The following KLHL35 variants were observed in gnomAD, a reference collection of about 807,000 sequenced individuals.
KLHL35 encodes the protein kelch-like protein 35.
Under a neutral mutation model 44.0 loss-of-function variants are expected in KLHL35, and 50 were observed. The ratio of observed to expected loss-of-function variants is 1.14; its 90% CI spans 0.91 to 1.44. The LOEUF is 1.44. KLHL35 is among the 40% of genes most tolerant of loss of function. KLHL35 has a pLI of 0.00. For missense variants in KLHL35, 1,049 were observed against 887.8 expected (o/e 1.18, Z -2.31); for synonymous variants, 470 against 410.4 (o/e 1.15, Z -1.76).
intron 2 of KLHL35, 98 bp downstream of exon 2, chr11:75,429,648 TATC>T (rs1316002898): frequency 7.7e-7 from 1 of 1,302,464 alleles, no homozygotes; most frequent in Non-Finnish European, 9.9e-7. Context: ...AATGACTGAA[TATC>T]ATCAAGAGGC....
chr11:75,431,777 A>G (rs1333339992), intron 1 of KLHL35, among the ~76,000 whole-genome samples: 1 of 152,188 alleles, frequency 6.6e-6, no homozygotes, highest in East Asian at 1.9e-4. Flanking sequence ...TGGCTTCATG[A>G]CTATTACATG....
chr11:75,428,454 C>T lies in KLHL35; in HGVS notation c.1054G>A (p.Val352Ile), dbSNP rs1198809734. The T allele has an allele frequency of 1.2e-6, 2 of 1,612,314 alleles. No individual in the cohort carries two copies. Among genetic ancestry groups the T allele is most frequent in the Non-Finnish European group, 1.7e-6 (2 of 1,179,836 alleles). The change falls in exon 3 of 7, where the codon GTC becomes ATC. Residue 352 changes from valine to isoleucine, a missense_variant. Val to Ile is a conservative substitution (Grantham distance 29, BLOSUM62 3). Transcript: ENST00000539798. ...EFAACALRNDVYVSGGHINSH... is the reference protein window; with the variant it reads ...EFAACALRNDIYVSGGHINSH... ...GCTCCGCCCTCACCGGAGACGTAGA[C>T]GTCATTGCGGAGAGCACAGGCGGCG...
rs1948527065 is a variant in KLHL35, at chr11:75,430,428, T to C, written c.202A>G (p.Ser68Gly). ...ALSAGSAYFRSLFAAGRPERG... is the reference protein window; with the variant it reads ...ALSAGSAYFRGLFAAGRPERG... ...TCGGGCCGCCCGGCCGCGAACAAGC[T>C]GCGGAAGTAGGCGCTGCCCGCGCTG... is the stretch of plus-strand genomic sequence containing the variant. Residue 68 changes from serine to glycine, a missense_variant, in exon 2 of 7, where the codon AGC (serine) becomes GGC (glycine). Ser to Gly is a moderately conservative substitution (Grantham distance 56, BLOSUM62 0). Coordinates refer to ENST00000539798, the MANE Select transcript of KLHL35 (RefSeq NM_001039548.3). 7.3e-7 allele frequency: 1 copy of C among 1,376,714 alleles called. No individual in the cohort carries two copies. The highest frequency in any genetic ancestry group is 3.2e-5 in the East Asian group (1 of 31,096). 85.3% of individuals were successfully genotyped at this position (1,376,714 alleles called of 1,614,324 possible).
intron 3 of KLHL35, 112 bp downstream of exon 3, chr11:75,428,330 T>C (rs2135082337): frequency 6.4e-6 from 8 of 1,257,352 alleles, no homozygotes; most frequent in Non-Finnish European, 8.7e-6. Context: ...AACTGTAGGT[T>C]ATCAGAAAAC....
In KLHL35 at chr11:75,430,371, C is replaced by G; in HGVS notation, c.259G>C (p.Val87Leu). The G allele has an allele frequency of 7.4e-7, 1 of 1,348,964 alleles. No homozygotes were observed. 83.6% of individuals were successfully genotyped at this position (1,348,964 alleles called of 1,614,324 possible). ...CTCGTGCCTGGCGCCTCGGGAGCTA[C>G]TGGCACCACTGGCACCACGGCCGGG... Reference protein sequence around the residue: ...RGPAVVPVVPVAPEAPGTSPA... With the variant: ...RGPAVVPVVPLAPEAPGTSPA... Residue 87 changes from valine to leucine, a missense_variant, in exon 2 of 7, where the codon GTA (valine) becomes CTA (leucine). By Grantham distance (32) the Val-to-Leu change is conservative. Coordinates refer to ENST00000539798, the MANE Select transcript of KLHL35 (RefSeq NM_001039548.3).
In KLHL35 at chr11:75,426,657, C is replaced by G. The variant is rs748046976; in HGVS notation, c.1067-19G>C. ...TGGCCTCCTAGGGAGAGAGAAGCAG[C>G]TGTTGCCCATCGGCTCTCTTGCTAT... On this transcript the variant is annotated intron_variant, in intron 3 of 6. Transcript: ENST00000539798. 6.5e-7 allele frequency: 1 copy of G among 1,530,100 alleles called. No homozygotes were observed. The highest frequency in any genetic ancestry group is 1.4e-5 in the African/African-American group (1 of 73,256). 94.8% of individuals were successfully genotyped at this position (1,530,100 alleles called of 1,614,324 possible).
At chr11:75,425,736 A>T (rs1948486295) in intron 4 of KLHL35, 155 bp from the exon 5 acceptor site, 1 of 594,732 alleles carries the variant, frequency 1.7e-6, no homozygotes, top group African/African-American at 2.0e-5. Flanking sequence ...TGCTGCCACC[A>T]CCTGGGCAGC....
chr11:75,430,469 C>A lies in KLHL35; in HGVS notation c.161G>T (p.Cys54Phe). Reference sequence around the variant, plus strand: ...GCCCGCGCTGAGCGCCGCGCGGTGGCACGGAAAGTCGCGCCCGCCGGCGCG... The same window carrying A: ...GCCCGCGCTGAGCGCCGCGCGGTGGAACGGAAAGTCGCGCCCGCCGGCGCG... ...VLRAGGRDFPCHRAALSAGSA... is the reference protein window; with the variant it reads ...VLRAGGRDFPFHRAALSAGSA... The change falls in exon 2 of 7, where the codon TGC becomes TTC. Residue 54 changes from cysteine to phenylalanine, a missense_variant. Physicochemically the swap from Cys to Phe is radical, Grantham distance 205. Coordinates refer to ENST00000539798, the MANE Select transcript of KLHL35 (RefSeq NM_001039548.3). 7.1e-7 allele frequency: 1 copy of A among 1,398,608 alleles called. No individual in the cohort carries two copies. Among genetic ancestry groups the A allele is most frequent in the Non-Finnish European group, 9.3e-7 (1 of 1,080,394 alleles). 86.6% of individuals were successfully genotyped at this position (1,398,608 alleles called of 1,614,324 possible). A position where few individuals can be genotyped will look rare whatever the true frequency, so the allele number is the denominator to read the frequency against.
rs1348097571 is a variant in KLHL35 at position 75,430,430 on chromosome 11, C to T, written c.200G>A (p.Arg67His). 1 of 1,390,518 alleles carries T rather than the reference C, an allele frequency of 7.2e-7. No individual in the cohort carries two copies. The highest frequency in any genetic ancestry group is 9.3e-7 in the Non-Finnish European group (1 of 1,072,572). The allele number at this position is 1,390,518 out of a possible 1,614,324, so 86.1% of individuals were successfully genotyped here. Residue 67 changes from arginine to histidine, a missense_variant, in exon 2 of 7, where the codon CGC becomes CAC. Coordinates refer to ENST00000539798, the MANE Select transcript of KLHL35 (RefSeq NM_001039548.3). ...GGGCCGCCCGGCCGCGAACAAGCTGCGGAAGTAGGCGCTGCCCGCGCTGAG... is the reference window on the plus strand; with the variant it reads ...GGGCCGCCCGGCCGCGAACAAGCTGTGGAAGTAGGCGCTGCCCGCGCTGAG... ...AALSAGSAYF[R>H]SLFAAGRPER...
chr11:75,433,202 A>ACAAAGGG lies in KLHL35; in HGVS notation c.-162_-161insCCCTTTG, dbSNP rs1948555029. ...TTCGCTCGGGCTCAGCTGCGGGAGG[A>ACAAAGGG]CAAAGGGGCTGGACGCCAGGAGGGA... On this transcript the variant is annotated 5_prime_UTR_variant, in exon 1 of 7. Coordinates refer to ENST00000539798, the MANE Select transcript of KLHL35 (RefSeq NM_001039548.3). 6.6e-6 allele frequency among the ~76,000 whole-genome samples: 1 copy of ACAAAGGG among 152,038 alleles called. No individual in the cohort carries two copies. Among genetic ancestry groups the ACAAAGGG allele is most frequent in the Non-Finnish European group, 1.5e-5 (1 of 68,018 alleles).
At position 75,423,867 on chromosome 11, in the gene KLHL35, T is replaced by G. The variant is rs927621357; in HGVS notation, c.1388A>C (p.Asp463Ala). 1 of 1,612,766 alleles carries G rather than the reference T, an allele frequency of 6.2e-7. No homozygotes were observed. Among genetic ancestry groups the G allele is most frequent in the African/African-American group, 1.3e-5 (1 of 74,782 alleles). The change falls in exon 6 of 7, where the codon GAC becomes GCC. Residue 463 changes from aspartate to alanine, a missense_variant. Asp to Ala is a moderately radical substitution (Grantham distance 126, BLOSUM62 -2). Coordinates refer to ENST00000539798, the MANE Select transcript of KLHL35 (RefSeq NM_001039548.3). The stretch of plus-strand genomic sequence containing the variant: ...CAGGCTCCACCGGTCCTCCTTGGGG[T>G]CAAAGCACTGCACCTGAGGGGCAAG... ...GVNTDKVQCF[D>A]PKEDRWSLRS... is the part of the protein sequence containing the mutation.
intron 1 of KLHL35, among the ~76,000 whole-genome samples, 55 bp downstream of exon 1, chr11:75,432,988 A>ACGCAGC (rs1404683150): frequency 1.3e-5 from 2 of 152,056 alleles, no homozygotes; most frequent in African/African-American, 2.4e-5. Context: ...TGCGGACACC[A>ACGCAGC]CGCAGCCGGG....
chr11:75,428,939 G>C (rs1223464088), intron 2 of KLHL35, among the ~76,000 whole-genome samples: 2 of 152,204 alleles, frequency 1.3e-5, no homozygotes, highest in Non-Finnish European at 2.9e-5. Context: ...TCTATTAGTA[G>C]GGATTATTAC....
In KLHL35 at chr11:75,423,759, C is replaced by G. The variant is rs376306621; in HGVS notation, c.1496G>C (p.Ser499Thr). The change falls in exon 6 of 7, where the codon AGC becomes ACC. Residue 499 changes from serine to threonine, a missense_variant. Physicochemically the swap from Ser to Thr is moderately conservative, Grantham distance 58. Coordinates refer to ENST00000539798, the MANE Select transcript of KLHL35 (RefSeq NM_001039548.3). ...DTIYVMGGLM[S>T]KIFTYDPGTD... ...GCCTGGATCATAGGTGAAGATTTTG[C>G]TCATGAGACCCCCCATGACATAGAT... 1 of 1,613,860 alleles carries G rather than the reference C, an allele frequency of 6.2e-7. No homozygotes were observed. The highest frequency in any genetic ancestry group is 8.5e-7 in the Non-Finnish European group (1 of 1,179,842).
At chr11:75,432,860 T>C (rs902419750) in intron 1 of KLHL35, among the ~76,000 whole-genome samples, 183 bp downstream of exon 1, 1 of 152,110 alleles carries the variant, frequency 6.6e-6, no homozygotes, top group Non-Finnish European at 1.5e-5. Flanking sequence ...ATGATGCAGA[T>C]TGAAGGGCCC....
chr11:75,430,426 G>A lies in KLHL35; in HGVS notation c.204C>T (p.Ser68=), dbSNP rs753264465. Residue 68 remains serine, a synonymous_variant, in exon 2 of 7, where the codon AGC becomes AGT. Transcript: ENST00000539798. ...ALSAGSAYFR[S]LFAAGRPERG... ...GCTCGGGCCGCCCGGCCGCGAACAA[G>A]CTGCGGAAGTAGGCGCTGCCCGCGC... The A allele has an allele frequency of 7.3e-7, 1 of 1,375,130 alleles. No individual in the cohort carries two copies. Among genetic ancestry groups the A allele is most frequent in the South Asian group, 1.5e-5 (1 of 67,314 alleles). 85.2% of individuals were successfully genotyped at this position (1,375,130 alleles called of 1,614,324 possible). A position where few individuals can be genotyped will look rare whatever the true frequency, so the allele number is the denominator to read the frequency against.
At chr11:75,427,071 A>G (rs942205441) in intron 3 of KLHL35, among the ~76,000 whole-genome samples, 1 of 151,688 alleles carries the variant, frequency 6.6e-6, no homozygotes, top group African/African-American at 2.4e-5. Flanking sequence ...TGACCCAATA[A>G]CCCTCCCTCC....
At chr11:75,429,698 G>T in intron 2 of KLHL35, 51 bp downstream of exon 2, 2 of 1,405,746 alleles carry the variant, frequency 1.4e-6, no homozygotes, top group African/African-American at 1.5e-5. Flanking sequence ...ATGAGCGGTG[G>T]AAGCAGGCGG....
intron 4 of KLHL35, chr11:75,426,112 C>G (rs955019142): frequency 6.2e-6 from 1 of 160,326 alleles, no homozygotes; most frequent in African/African-American, 2.4e-5. Context: ...CCAGCCACCA[C>G]GCCGAGCTAA....
Sources: allele counts gnomAD v4.1 joint callset (sites outside exome capture counted in the v4.1 genomes callset), GRCh38; gene constraint gnomAD v4.1.1; transcripts MANE v1.5; gene names NCBI Gene and HGNC (gene_info 2026-07-23, HGNC 2026-07-21).